The following CDH20 variants were observed in gnomAD, a reference collection of about 807,000 sequenced individuals.
The protein encoded by CDH20 is cadherin-20.
In CDH20, 29 loss-of-function variants were observed where a neutral mutation model predicts 74.2. The ratio of observed to expected loss-of-function variants is 0.39; its 90% confidence interval spans 0.29 to 0.53. The LOEUF (loss-of-function observed/expected upper bound fraction) is 0.53. Among genes scored for constraint, CDH20 ranks in the 20% least tolerant of loss-of-function variants. CDH20 has a pLI of 0.69. For synonymous variants in CDH20, 469 were observed against 405.4 expected (o/e 1.16, Z -1.88); for missense variants, 988 against 1,048.3 (o/e 0.94, Z 0.79).
intron 1 of CDH20, among the ~76,000 whole-genome samples, chr18:61,370,779 G>T (rs931168134): frequency 2.6e-5 from 4 of 152,020 alleles, no homozygotes; most frequent in Non-Finnish European, 5.9e-5. Flanking sequence ...AGAGTACAAA[G>T]TCTCAGTATT....
At chr18:61,472,142 G>A (rs1910203479) in intron 1 of CDH20, among the ~76,000 whole-genome samples, 1 of 152,026 alleles carries the variant, frequency 6.6e-6, no homozygotes, top group Admixed American at 6.5e-5. Context: ...GCAACTGCCA[G>A]CTCCCCTTCC....
chr18:61,498,203 C>A (rs1911238887), intron 2 of CDH20, among the ~76,000 whole-genome samples: 1 of 151,978 alleles, frequency 6.6e-6, no homozygotes, highest in Non-Finnish European at 1.5e-5. Flanking sequence ...AGTTCAAGAC[C>A]AGCCTGACCA....
intron 7 of CDH20, among the ~76,000 whole-genome samples, chr18:61,532,563 C>T (rs1224122987): frequency 1.3e-5 from 2 of 151,052 alleles, no homozygotes; most frequent in African/African-American, 4.9e-5. Context: ...TATACACACA[C>T]ACACACATAT....
At chr18:61,436,355 C>G (rs76075436) in intron 1 of CDH20, among the ~76,000 whole-genome samples, 2,357 of 152,270 alleles carry the variant, frequency 0.015, 62 homozygotes, top group African/African-American at 0.053. Context: ...TTCAAAGCAG[C>G]ATTTTACATT....
chr18:61,493,310 G>A (rs1911024133), intron 2 of CDH20, among the ~76,000 whole-genome samples: 1 of 152,018 alleles, frequency 6.6e-6, no homozygotes, highest in South Asian at 2.1e-4. Flanking sequence ...GATTAACTAT[G>A]CCGGTGCTGC....
chr18:61,483,951 C>T (rs1910673658), intron 1 of CDH20, among the ~76,000 whole-genome samples: 1 of 152,172 alleles, frequency 6.6e-6, no homozygotes, highest in Non-Finnish European at 1.5e-5. Flanking sequence ...CATATTGATA[C>T]TCAAGATTTA....
intron 1 of CDH20, among the ~76,000 whole-genome samples, chr18:61,398,837 G>A (rs1912069126): frequency 6.6e-6 from 1 of 152,172 alleles, no homozygotes; most frequent in South Asian, 2.1e-4. Flanking sequence ...TTAACAAATA[G>A]AAATGAGTTA....
chr18:61,431,076 G>A (rs1422879502), intron 1 of CDH20, among the ~76,000 whole-genome samples: 2 of 152,138 alleles, frequency 1.3e-5, no homozygotes, highest in Non-Finnish European at 2.9e-5. Flanking sequence ...ATCTGTATCT[G>A]TGTTAAGCTA....
At chr18:61,447,196 C>T (rs1909229910) in intron 1 of CDH20, among the ~76,000 whole-genome samples, 2 of 152,134 alleles carry the variant, frequency 1.3e-5, no homozygotes, top group Non-Finnish European at 2.9e-5. Context: ...CTAGTGAGTT[C>T]AGTTGGGACA....
intron 1 of CDH20, among the ~76,000 whole-genome samples, chr18:61,344,908 T>TC (rs1910066243): frequency 6.6e-6 from 1 of 152,214 alleles, no homozygotes; most frequent in Admixed American, 6.5e-5. Context: ...TATGATTATC[T>TC]CCTTTGGTTA....
chr18:61,457,525 C>T (rs1909613974), intron 1 of CDH20, among the ~76,000 whole-genome samples: 1 of 152,154 alleles, frequency 6.6e-6, no homozygotes, highest in Admixed American at 6.5e-5. Context: ...ATGAATATGA[C>T]TACTTCTTCC....
intron 1 of CDH20, among the ~76,000 whole-genome samples, chr18:61,335,867 A>C (rs1489610526): frequency 1.3e-5 from 2 of 152,268 alleles, no homozygotes; most frequent in African/African-American, 4.8e-5. Flanking sequence ...AGGAAAGTAC[A>C]AACATAAAAA....
rs138787340 is a variant in CDH20 at position 61,492,596 on chromosome 18, C to T, written c.246+1797C>T. On this transcript the variant is annotated intron_variant, in intron 2 of 11. Transcript: ENST00000262717. ...CATGCTACTCTCTCCCTCATTCTCG[C>T]GTTGCAGCGGTATGACCTTTGACAG... Among the ~76,000 whole-genome samples, 125 of 152,320 alleles carry T rather than the reference C, an allele frequency of 8.2e-4. 1 individual carries two copies. In the East Asian group the frequency reaches 0.012, roughly 15 times the overall value.
At chr18:61,512,713 C>T (rs897944646) in intron 6 of CDH20, among the ~76,000 whole-genome samples, 1 of 151,954 alleles carries the variant, frequency 6.6e-6, no homozygotes, top group Non-Finnish European at 1.5e-5. Flanking sequence ...TCTTTGTTCT[C>T]GTTGGTTTCA....
In CDH20 at chr18:61,555,580, T is replaced by C. The variant is rs978724375; in HGVS notation, c.*885T>C. 3.3e-5 allele frequency: 33 copies of C among 985,090 alleles called. No individual in the cohort carries two copies. Among genetic ancestry groups the C allele is most frequent in the Non-Finnish European group, 3.6e-5 (30 of 829,752 alleles). The allele number at this position is 985,090 out of a possible 1,614,324, so 61.0% of individuals were successfully genotyped here. ...CATGGGTTAGAGGGCTTTCCTAATC[T>C]GTGTGAGGTCAATCCAAGGGATGTT... On this transcript the variant is annotated 3_prime_UTR_variant, in exon 12 of 12. Coordinates refer to ENST00000262717, the MANE Select transcript of CDH20 (RefSeq NM_031891.4).
chr18:61,459,135 C>T (rs1909682044), intron 1 of CDH20, among the ~76,000 whole-genome samples: 1 of 152,074 alleles, frequency 6.6e-6, no homozygotes, highest in African/African-American at 2.4e-5. Context: ...TTATTTAAAG[C>T]TTTTGAAAAG....
chr18:61,441,725 T>A (rs989845099), intron 1 of CDH20, among the ~76,000 whole-genome samples: 10 of 152,242 alleles, frequency 6.6e-5, no homozygotes, highest in African/African-American at 2.4e-4. Context: ...ATATTGTTTA[T>A]CCTACAGAAT....
At chr18:61,392,264 C>T (rs928319022) in intron 1 of CDH20, among the ~76,000 whole-genome samples, 6 of 151,672 alleles carry the variant, frequency 4.0e-5, no homozygotes, top group Non-Finnish European at 5.9e-5. Context: ...CCCATCTCCA[C>T]ATTGTGCCCA....
intron 7 of CDH20, among the ~76,000 whole-genome samples, chr18:61,533,026 A>G (rs1035905702): frequency 2.0e-5 from 3 of 152,216 alleles, no homozygotes; most frequent in Admixed American, 2.0e-4. Context: ...TATGCCTGTA[A>G]TCCCCACTAC....
Sources: gnomAD v4.1 joint callset for allele counts (sites outside exome capture counted in the v4.1 genomes callset) on GRCh38, gnomAD v4.1.1 for gene constraint, MANE v1.5 for transcripts, NCBI Gene and HGNC (gene_info 2026-07-23, HGNC 2026-07-21) for gene names.